The following FRK variants were observed in gnomAD, a reference collection of about 807,000 sequenced individuals.
FRK encodes fyn related Src family tyrosine kinase, also known as tyrosine-protein kinase FRK.
In FRK, 51 loss-of-function variants were observed where a neutral mutation model predicts 56.4. The observed-to-expected ratio is 0.90, with a 90% CI of 0.72 to 1.14. The LOEUF is 1.14. Ranked by LOEUF, FRK falls within the 50% of genes most tolerant of loss-of-function variation. The pLI, the probability that FRK is intolerant of heterozygous loss-of-function variation, is 0.00. For synonymous variants in FRK, 245 were observed against 217.9 expected (o/e 1.12, Z -1.10); for missense variants, 570 against 601.4 (o/e 0.95, Z 0.55).
intron 1 of FRK, among the ~76,000 whole-genome samples, chr6:116,056,556 T>G (rs768880912): frequency 2.0e-5 from 3 of 152,232 alleles, no homozygotes; most frequent in Non-Finnish European, 4.4e-5. Flanking sequence ...ATCAATATTT[T>G]GCAATACTTG....
At chr6:116,022,415 G>T (rs1472066641) in intron 1 of FRK, among the ~76,000 whole-genome samples, 1 of 151,956 alleles carries the variant, frequency 6.6e-6, no homozygotes, top group Non-Finnish European at 1.5e-5. Context: ...ACACTGATTT[G>T]CAACCCCTTA....
intron 1 of FRK, among the ~76,000 whole-genome samples, chr6:116,029,563 A>T (rs1167358279): frequency 2.0e-5 from 3 of 152,150 alleles, no homozygotes; most frequent in African/African-American, 4.8e-5. Context: ...GCTCTTCAGA[A>T]TAAAAGCTTC....
At position 116,051,294 on chromosome 6, in the gene FRK, T is replaced by C. The variant is rs1001879576; in HGVS notation, c.344+8674A>G. On this transcript the variant is annotated intron_variant, in intron 1 of 7. Coordinates refer to ENST00000606080, the MANE Select transcript of FRK (RefSeq NM_002031.3). ...AAAGTATTTGATTGAGAATTTAGTC[T>C]GAATTTAAAGGCACTATAAAATGCA... Among the ~76,000 whole-genome samples, 7 of 152,256 alleles carry C rather than the reference T, an allele frequency of 4.6e-5. No homozygotes were observed. In the East Asian group the frequency reaches 1.3e-3, roughly 29 times the overall value.
intron 2 of FRK, among the ~76,000 whole-genome samples, chr6:115,983,424 T>A (rs917069714): frequency 1.3e-5 from 2 of 152,182 alleles, no homozygotes; most frequent in Admixed American, 6.5e-5. Flanking sequence ...AAGATGATAA[T>A]GCTTTGGATA....
chr6:116,064,770 C>T (rs1252286004), upstream of FRK, among the ~76,000 whole-genome samples: 1 of 152,200 alleles, frequency 6.6e-6, no homozygotes, highest in African/African-American at 2.4e-5. Context: ...TAACCTTCAA[C>T]AGATCCTCAT....
rs146215849 is a variant in FRK at position 115,947,250 on chromosome 6, T to C, written c.959-2825A>G. Among the ~76,000 whole-genome samples the C allele has an allele frequency of 1.6e-4, 25 of 152,200 alleles. No homozygotes were observed. The East Asian group carries it at 4.6e-3, about 28-fold the overall frequency. On this transcript the variant is annotated intron_variant, in intron 5 of 7. Coordinates refer to ENST00000606080, the MANE Select transcript of FRK (RefSeq NM_002031.3). ...TGTATAATTATGTGTTTTCTATATA[T>C]ATGATATTTTTAATAAAAAATGAAA...
At chr6:116,002,152 A>G (rs1775088279) in intron 2 of FRK, among the ~76,000 whole-genome samples, 2 of 152,224 alleles carry the variant, frequency 1.3e-5, no homozygotes, top group African/African-American at 4.8e-5. Flanking sequence ...TGTTTCTTTC[A>G]TAATGAGAAA....
chr6:115,999,136 G>T (rs1004377037), intron 2 of FRK, among the ~76,000 whole-genome samples: 1 of 152,040 alleles, frequency 6.6e-6, no homozygotes, highest in Admixed American at 6.6e-5. Context: ...AACAATAATA[G>T]TTTCCTTTAA....
intron 2 of FRK, among the ~76,000 whole-genome samples, chr6:115,987,927 C>T (rs1274741492): frequency 6.6e-6 from 1 of 152,046 alleles, no homozygotes; most frequent in Non-Finnish European, 1.5e-5. Flanking sequence ...TTCTTTTATG[C>T]TTGTGCTTCC....
At chr6:115,998,007 C>T (rs532740088) in intron 2 of FRK, among the ~76,000 whole-genome samples, 1 of 152,278 alleles carries the variant, frequency 6.6e-6, no homozygotes, top group African/African-American at 2.4e-5. Context: ...TGCTTAGCAC[C>T]AAAGCAGTCT....
At chr6:116,065,760 T>C (rs1777750209), upstream of FRK, among the ~76,000 whole-genome samples, 1 of 152,226 alleles carries the variant, frequency 6.6e-6, no homozygotes, top group Admixed American at 6.5e-5. Flanking sequence ...TAATGTAGTG[T>C]TCTTTTGTTC....
intron 1 of FRK, among the ~76,000 whole-genome samples, chr6:116,059,003 A>G (rs1777508700): frequency 6.6e-6 from 1 of 151,956 alleles, no homozygotes; most frequent in Non-Finnish European, 1.5e-5. Flanking sequence ...GATCAGGGCC[A>G]ATGACAGTCT....
At chr6:116,071,134 C>T in the FRK span, among the ~76,000 whole-genome samples, 2 of 152,096 alleles carry the variant, frequency 1.3e-5, no homozygotes, top group African/African-American at 4.8e-5. Context: ...CCTGGTGAAT[C>T]ATCAAAGTAA....
chr6:116,010,966 G>C (rs897629251), intron 1 of FRK, among the ~76,000 whole-genome samples: 2 of 152,130 alleles, frequency 1.3e-5, no homozygotes, highest in Non-Finnish European at 2.9e-5. Flanking sequence ...CCTGCCTGCT[G>C]TTCTGGACTA....
At chr6:116,012,522 A>C (rs894571874) in intron 1 of FRK, among the ~76,000 whole-genome samples, 3 of 152,200 alleles carry the variant, frequency 2.0e-5, no homozygotes, top group Non-Finnish European at 4.4e-5. Flanking sequence ...TTCTTTGTTT[A>C]CACTTGAAGC....
chr6:116,053,586 A>C (rs1352027271), intron 1 of FRK, among the ~76,000 whole-genome samples: 1 of 152,156 alleles, frequency 6.6e-6, no homozygotes, highest in Non-Finnish European at 1.5e-5. Flanking sequence ...AACCAATTTG[A>C]ATCCAATAGA....
intron 4 of FRK, among the ~76,000 whole-genome samples, chr6:115,957,795 T>C (rs1033586745): frequency 2.1e-4 from 32 of 152,342 alleles, no homozygotes; most frequent in African/African-American, 7.2e-4. Context: ...ACTAGTGCCC[T>C]GTGTGATCTT....
chr6:116,069,152 C>T, the FRK span, among the ~76,000 whole-genome samples: 1 of 152,160 alleles, frequency 6.6e-6, no homozygotes, highest in South Asian at 2.1e-4. Context: ...TTAGCAATGC[C>T]ACAGAGCCTC....
intron 1 of FRK, among the ~76,000 whole-genome samples, chr6:116,031,329 A>C (rs967177507): frequency 4.6e-5 from 7 of 152,150 alleles, no homozygotes; most frequent in Non-Finnish European, 1.0e-4. Context: ...TTGTATAATA[A>C]ATTTGTTATA....
Sources: allele counts gnomAD v4.1 joint callset (sites outside exome capture counted in the v4.1 genomes callset), GRCh38; gene constraint gnomAD v4.1.1; transcripts MANE v1.5; gene names NCBI Gene and HGNC (gene_info 2026-07-23, HGNC 2026-07-21).